The following KCNH5 variants were observed in gnomAD, a reference collection of about 807,000 sequenced individuals.
KCNH5 encodes the protein voltage-gated delayed rectifier potassium channel KCNH5.
In KCNH5, 46 loss-of-function variants were observed where a neutral mutation model predicts 96.1. The ratio of observed to expected loss-of-function variants is 0.48; its 90% CI spans 0.38 to 0.61. KCNH5 has a LOEUF of 0.61. KCNH5 is among the 20% of genes least tolerant of loss of function. The pLI, the probability that KCNH5 is intolerant of heterozygous loss-of-function variation, is 0.00. For synonymous variants in KCNH5, 439 were observed against 449.8 expected (o/e 0.98, Z 0.30); for missense variants, 907 against 1,225.8 (o/e 0.74, Z 3.88).
chr14:62,876,221 A>T (rs1166075411), intron 7 of KCNH5, among the ~76,000 whole-genome samples: 3 of 152,200 alleles, frequency 2.0e-5, no homozygotes, highest in African/African-American at 4.8e-5. Context: ...AGAGTCATAA[A>T]GGGAATCTCT....
rs544576257 is a variant in KCNH5, at chr14:62,701,577, C to A, written c.*5931G>T. 1 of 152,232 alleles carries A rather than the reference C, an allele frequency of 6.6e-6. No homozygotes were observed. The highest frequency in any genetic ancestry group is 2.4e-5 in the African/African-American group (1 of 41,564). The allele number at this position is 152,232 out of a possible 1,614,324, so 9.4% of individuals were successfully genotyped here. On this transcript the variant is annotated 3_prime_UTR_variant, in exon 11 of 11. Coordinates refer to ENST00000322893, the MANE Select transcript of KCNH5 (RefSeq NM_139318.5). ...TGGATGGTGTCAGTGGGGTCCTTCA[C>A]AGTCATTATTTTAAAAGTAGGATTC...
intron 10 of KCNH5, among the ~76,000 whole-genome samples, chr14:62,740,690 A>C (rs1885254191): frequency 6.6e-6 from 1 of 152,148 alleles, no homozygotes; most frequent in African/African-American, 2.4e-5. Context: ...CTACACATAA[A>C]AGATATTTAA....
intron 10 of KCNH5, chr14:62,712,539 G>A (rs1307803213): frequency 6.0e-6 from 4 of 661,820 alleles, no homozygotes; most frequent in Non-Finnish European, 1.1e-5. Context: ...CAAATCCAAG[G>A]GGTCAGATTC....
intron 1 of KCNH5, among the ~76,000 whole-genome samples, chr14:63,018,228 C>A (rs1891362179): frequency 6.6e-6 from 1 of 151,796 alleles, no homozygotes; most frequent in African/African-American, 2.4e-5. Flanking sequence ...AGAGCACTTG[C>A]CAGTTTGGGA....
intron 8 of KCNH5, among the ~76,000 whole-genome samples, chr14:62,836,872 T>G (rs1230602817): frequency 1.3e-5 from 2 of 152,000 alleles, no homozygotes; most frequent in Non-Finnish European, 2.9e-5. Context: ...ATGGAGTAGG[T>G]GAGTGATTTA....
intron 10 of KCNH5, among the ~76,000 whole-genome samples, chr14:62,748,222 C>T (rs551017850): frequency 6.6e-6 from 1 of 152,130 alleles, no homozygotes; most frequent in African/African-American, 2.4e-5. Context: ...CACGCATCCA[C>T]CCTAGGTACA....
intron 10 of KCNH5, among the ~76,000 whole-genome samples, chr14:62,739,715 A>C (rs1213336240): frequency 6.6e-6 from 1 of 152,136 alleles, no homozygotes; most frequent in Non-Finnish European, 1.5e-5. Flanking sequence ...AGCCCTACAC[A>C]AACATTACAT....
chr14:62,726,864 G>A (rs1320406766), intron 10 of KCNH5, among the ~76,000 whole-genome samples: 1 of 152,200 alleles, frequency 6.6e-6, no homozygotes, highest in East Asian at 1.9e-4. Context: ...TTTATCAAGG[G>A]TAGAATAAAT....
At chr14:62,910,635 T>A (rs868691779) in intron 7 of KCNH5, among the ~76,000 whole-genome samples, 3 of 152,114 alleles carry the variant, frequency 2.0e-5, no homozygotes, top group Non-Finnish European at 2.9e-5. Context: ...TACCTGGGAA[T>A]AAATCTAACA....
chr14:62,948,777 C>A (rs776494313), intron 7 of KCNH5, among the ~76,000 whole-genome samples: 3 of 147,482 alleles, frequency 2.0e-5, no homozygotes, highest in African/African-American at 5.1e-5. Context: ...ACTGGCAAAC[C>A]GAATCCAGCA....
chr14:62,794,815 T>C (rs1886506202), intron 9 of KCNH5, among the ~76,000 whole-genome samples: 1 of 152,126 alleles, frequency 6.6e-6, no homozygotes, highest in East Asian at 1.9e-4. Flanking sequence ...TTCTTAAATG[T>C]TTATGTATTA....
At chr14:62,942,284 G>A (rs1356941413) in intron 7 of KCNH5, among the ~76,000 whole-genome samples, 2 of 152,044 alleles carry the variant, frequency 1.3e-5, no homozygotes, top group African/African-American at 2.4e-5. Flanking sequence ...TTTCAACTTT[G>A]GCATTTCACA....
intron 9 of KCNH5, among the ~76,000 whole-genome samples, chr14:62,788,957 A>T (rs1247258598): frequency 1.3e-5 from 2 of 152,136 alleles, no homozygotes; most frequent in East Asian, 3.8e-4. Context: ...TACCAAACCA[A>T]CAAAATCTCT....
chr14:62,757,676 CATT>C (rs1885652970), intron 10 of KCNH5, among the ~76,000 whole-genome samples: 1 of 150,822 alleles, frequency 6.6e-6, no homozygotes, highest in Non-Finnish European at 1.5e-5. Flanking sequence ...AAGAGGAACT[CATT>C]ATGTTACGTG....
Position 62,913,291 on chromosome 14 carries a change from G to T in KCNH5, c.1369+36842C>A, listed in dbSNP as rs201868187. On this transcript the variant is annotated intron_variant, in intron 7 of 10. Coordinates refer to ENST00000322893, the MANE Select transcript of KCNH5 (RefSeq NM_139318.5). ...CTCCCAGGCTGGAGTGCAGTGGTGC[G>T]ATCTCGGCTCACTGCAACGTCCGCC... Among the ~76,000 whole-genome samples, 27 of 152,046 alleles carry T rather than the reference G, an allele frequency of 1.8e-4. No homozygotes were observed. In the East Asian group the frequency reaches 4.8e-3, roughly 27 times the overall value.
chr14:62,838,982 C>A (rs7155426), intron 8 of KCNH5, among the ~76,000 whole-genome samples: 1 of 150,190 alleles, frequency 6.7e-6, no homozygotes, highest in African/African-American at 2.4e-5. Flanking sequence ...AAATAAGCTA[C>A]AAAAATAATA....
chr14:62,910,899 CCA>C (rs1555363113), intron 7 of KCNH5, among the ~76,000 whole-genome samples: 20,470 of 140,156 alleles, frequency 0.15, 1,542 homozygotes, highest in Admixed American at 0.19. Flanking sequence ...TGTGCATACA[CCA>C]CACACACACA....
rs1486081489 is a variant in KCNH5 at position 62,708,424 on chromosome 14, T to G, written c.2051A>C (p.Lys684Thr). 9 of 1,606,086 alleles carry G rather than the reference T, an allele frequency of 5.6e-6. No individual in the cohort carries two copies. The highest frequency in any genetic ancestry group is 7.6e-6 in the Non-Finnish European group (9 of 1,178,482). Residue 684 changes from lysine (K) to threonine (T), a missense_variant, in exon 11 of 11, where the codon AAA becomes ACA. Transcript: ENST00000322893. ...IIFRKISDVK[K>T]EEEERLRQKN... ...CTGCCGGAGGCGCTCCTCCTCCTCT[T>G]TCTTCACATCACTGATCTTACGAAA... is the stretch of plus-strand genomic sequence containing the variant.
At chr14:62,872,606 C>A (rs1595664566) in intron 7 of KCNH5, among the ~76,000 whole-genome samples, 1 of 152,008 alleles carries the variant, frequency 6.6e-6, no homozygotes, top group Non-Finnish European at 1.5e-5. Flanking sequence ...GGCAGGAGAA[C>A]CGCTTGAATC....
Sources: allele counts gnomAD v4.1 joint callset (sites outside exome capture counted in the v4.1 genomes callset), GRCh38; gene constraint gnomAD v4.1.1; transcripts MANE v1.5; gene names NCBI Gene and HGNC (gene_info 2026-07-23, HGNC 2026-07-21).